Variants in SYT12 observed in about 807,000 individuals in gnomAD.
SYT12 encodes synaptotagmin-12.
In SYT12, 27 loss-of-function variants were observed where a neutral mutation model predicts 39.5. The ratio of observed to expected loss-of-function variants is 0.68; its 90% confidence interval spans 0.50 to 0.94. SYT12 has a LOEUF of 0.94. Among genes scored for constraint, SYT12 ranks in the 40% least tolerant of loss-of-function variants. The pLI, the probability that SYT12 is intolerant of heterozygous loss-of-function variation, is 0.00. For synonymous variants in SYT12, 233 were observed against 239.7 expected, an observed-to-expected ratio of 0.97 and a Z score of 0.26; for missense variants, 536 against 572.6, an observed-to-expected ratio of 0.94 and a Z score of 0.65.
intron 2 of SYT12, 141 bp from the exon 3 acceptor site, chr11:67,034,504 T>C: frequency 2.9e-6 from 2 of 681,458 alleles, no homozygotes; most frequent in Non-Finnish European, 4.6e-6. Flanking sequence ...GTGTATGTCT[T>C]GTTCGACATG....
At chr11:67,024,833 T>TC (rs2136203249) in intron 1 of SYT12, among the ~76,000 whole-genome samples, 1 of 152,290 alleles carries the variant, frequency 6.6e-6, no homozygotes, top group Non-Finnish European at 1.5e-5. Flanking sequence ...TCCCGACCCT[T>TC]CCCATTGCCT....
At chr11:67,045,372 G>A (rs1590655720) in intron 6 of SYT12, among the ~76,000 whole-genome samples, 1 of 152,160 alleles carries the variant, frequency 6.6e-6, no homozygotes, top group East Asian at 1.9e-4. Flanking sequence ...TGTTATTTCA[G>A]AGCCGCACAC....
At chr11:67,034,579 C>A in intron 2 of SYT12, 66 bp from the exon 3 acceptor site, 1 of 1,459,270 alleles carries the variant, frequency 6.9e-7, no homozygotes, top group Non-Finnish European at 9.2e-7. Context: ...GAAGTCGGTG[C>A]TGCTCCCCGG....
At chr11:67,017,609 C>T (rs1465804506) in intron 3 of SYT12, among the ~76,000 whole-genome samples, 1 of 151,106 alleles carries the variant, frequency 6.6e-6, no homozygotes. Flanking sequence ...ATCTGCCTGC[C>T]TCAGCCTCCC....
intron 1 of SYT12, among the ~76,000 whole-genome samples, chr11:67,007,808 C>T (rs1949983049): frequency 6.6e-6 from 1 of 151,904 alleles, no homozygotes; most frequent in African/African-American, 2.4e-5. Flanking sequence ...AGGTGATCCA[C>T]CCTCCTTGGC....
rs1854537622 is a variant in SYT12, at chr11:67,046,007, G to A, written c.1092+130G>A. 3.2e-6 allele frequency: 4 copies of A among 1,234,722 alleles called. No homozygotes were observed. In the South Asian group the frequency reaches 5.8e-5, roughly 18 times the overall value. The allele number at this position is 1,234,722 out of a possible 1,614,324, so 76.5% of individuals were successfully genotyped here. ...TGCCTCCAGCCATCACTTTCTAGCA[G>A]TTATTGAGTGCCACTGGGGCCAGCC... is the stretch of plus-strand genomic sequence containing the variant. On this transcript the variant is annotated intron_variant, in intron 7 of 7. Coordinates refer to ENST00000527043, the MANE Select transcript of SYT12 (RefSeq NM_177963.4).
chr11:67,047,773 A>ATC (rs1854605044), intron 7 of SYT12, among the ~76,000 whole-genome samples: 2 of 96,056 alleles, frequency 2.1e-5, no homozygotes, highest in Non-Finnish European at 4.2e-5. Flanking sequence ...TGAAACCCCC[A>ATC]TCTCTTTTTT....
At position 67,035,796 on chromosome 11, in the gene SYT12, TCCTTCCTTCCTTCCTTCCTTCC is replaced by T. The variant is rs1565337226; in HGVS notation, c.228+959_228+980del. Among the ~76,000 whole-genome samples the T allele has an allele frequency of 3.8e-4, 18 of 47,536 alleles. 1 individual carries two copies. The highest frequency in any genetic ancestry group is 1.4e-3 in the African/African-American group (18 of 12,768). 31.2% of individuals were successfully genotyped at this position (47,536 alleles called of 152,430 possible). On this transcript the variant is annotated intron_variant, in intron 3 of 7. Transcript: ENST00000527043. ...TTTCTTTTCTTTTCTTTTCTTTCCT[TCCTTCCTTCCTTCCTTCCTTCC>T]TTCCTTCCTTCCTTCCTTCCTTTCT...
At position 67,042,600 on chromosome 11, in the gene SYT12, A is replaced by G. The variant is rs530866079; in HGVS notation, c.622-1038A>G. Among the ~76,000 whole-genome samples the G allele has an allele frequency of 4.4e-4, 67 of 152,332 alleles. No individual in the cohort carries two copies. The South Asian group carries it at 0.013, about 30-fold the overall frequency. On this transcript the variant is annotated intron_variant, in intron 4 of 7. Transcript: ENST00000527043. Reference sequence around the variant, plus strand: ...TCCATCCTCCTCCACCCATGTGCACATAAAGCACACGCTCAGAGAATGGCT... The same window carrying G: ...TCCATCCTCCTCCACCCATGTGCACGTAAAGCACACGCTCAGAGAATGGCT...
chr11:67,041,613 T>G (rs1950513719), intron 4 of SYT12, among the ~76,000 whole-genome samples: 1 of 152,170 alleles, frequency 6.6e-6, no homozygotes, highest in Non-Finnish European at 1.5e-5. Context: ...ACTCTAGATC[T>G]GAAGGGGTGA....
rs1448845781 is a variant in SYT12, at chr11:67,023,375, G to C, written c.-109G>C. The C allele has an allele frequency of 6.7e-6, 1 of 149,036 alleles. No individual in the cohort carries two copies. The highest frequency in any genetic ancestry group is 1.5e-5 in the Non-Finnish European group (1 of 66,846). 9.2% of individuals were successfully genotyped at this position (149,036 alleles called of 1,614,324 possible). A position where few individuals can be genotyped will look rare whatever the true frequency, so the allele number is the denominator to read the frequency against. On this transcript the variant is annotated 5_prime_UTR_variant, in exon 1 of 8. Coordinates refer to ENST00000527043, the MANE Select transcript of SYT12 (RefSeq NM_177963.4). ...AGGGGTGGCGTTGCCGCCGGCGGCC[G>C]GGCTAGGCGCAGGTGCGTGCGCGCT... is the stretch of plus-strand genomic sequence containing the variant.
intron 3 of SYT12, among the ~76,000 whole-genome samples, chr11:67,035,298 C>A (rs376732284): frequency 1.3e-4 from 20 of 151,236 alleles, no homozygotes; most frequent in African/African-American, 4.8e-4. Flanking sequence ...CCACACCTGG[C>A]CTGCTTTTTA....
rs1854715221 is a variant in SYT12, at chr11:67,050,389, T to C, written c.*1632T>C. On this transcript the variant is annotated 3_prime_UTR_variant, in exon 8 of 8. Transcript: ENST00000527043. ...CCCTCAGGCTGGCTGCCCCTGTTCC[T>C]TGGTCCATAACTGGTGAGCTATGGA... 1 of 152,460 alleles carries C rather than the reference T, an allele frequency of 6.6e-6. No individual in the cohort carries two copies. 9.4% of individuals were successfully genotyped at this position (152,460 alleles called of 1,614,324 possible).
chr11:67,024,857 A>G (rs546737897), intron 1 of SYT12, among the ~76,000 whole-genome samples: 1 of 152,306 alleles, frequency 6.6e-6, no homozygotes, highest in East Asian at 1.9e-4. Context: ...TAGCCAGAGA[A>G]TGATGTGAGG....
At chr11:67,048,370 G>A (rs1854634622) in intron 7 of SYT12, among the ~76,000 whole-genome samples, 1 of 152,012 alleles carries the variant, frequency 6.6e-6, no homozygotes, top group Non-Finnish European at 1.5e-5. Flanking sequence ...AGAGAAACCT[G>A]AGGGCCTAGG....
intron 3 of SYT12, among the ~76,000 whole-genome samples, chr11:67,016,595 T>G (rs541817337): frequency 6.6e-6 from 1 of 152,286 alleles, no homozygotes; most frequent in South Asian, 2.1e-4. Flanking sequence ...AAAAAGAGTT[T>G]CCCAAAAGCT....
chr11:67,009,198 G>A (rs1210452349), intron 1 of SYT12, among the ~76,000 whole-genome samples: 2 of 152,048 alleles, frequency 1.3e-5, no homozygotes, highest in Non-Finnish European at 2.9e-5. Context: ...TAAAGATGGG[G>A]TCTCACTTTG....
At chr11:67,046,914 G>A (rs974871887) in intron 7 of SYT12, among the ~76,000 whole-genome samples, 3 of 151,974 alleles carry the variant, frequency 2.0e-5, no homozygotes, top group African/African-American at 2.4e-5. Flanking sequence ...CGCAGGTGCC[G>A]TTCTACACAG....
chr11:67,010,309 T>C (rs898723969), intron 2 of SYT12, among the ~76,000 whole-genome samples: 3 of 152,166 alleles, frequency 2.0e-5, no homozygotes, highest in Non-Finnish European at 2.9e-5. Flanking sequence ...CCAGACTCCC[T>C]CATGGTGAGC....
Sources: allele counts gnomAD v4.1 joint callset (sites outside exome capture counted in the v4.1 genomes callset), GRCh38; gene constraint gnomAD v4.1.1; transcripts MANE v1.5; gene names NCBI Gene and HGNC (gene_info 2026-07-23, HGNC 2026-07-21).